The following FHIT variants were observed in gnomAD, a reference collection of about 807,000 sequenced individuals.
The protein encoded by FHIT is bis(5'-adenosyl)-triphosphatase.
FHIT carries 19 observed loss-of-function variants against 17.9 expected under a neutral mutation model. That is an observed-to-expected ratio of 1.06 (90% confidence interval 0.74 to 1.56). FHIT has a LOEUF of 1.56. FHIT is among the 40% of genes most tolerant of loss of function. FHIT has a pLI of 0.00. For synonymous variants in FHIT, 81 were observed against 69.7 expected, an observed-to-expected ratio of 1.16 and a Z score of -0.81; for missense variants, 248 against 189.2, an observed-to-expected ratio of 1.31 and a Z score of -1.82.
intron 4 of FHIT, among the ~76,000 whole-genome samples, chr3:60,574,601 G>T (rs543264132): frequency 6.6e-6 from 1 of 152,114 alleles, no homozygotes; most frequent in South Asian, 2.1e-4. Context: ...GGGAATGGCT[G>T]CAACTTCAGG....
chr3:60,773,310 A>G (rs1484581877), intron 4 of FHIT, among the ~76,000 whole-genome samples: 1 of 152,214 alleles, frequency 6.6e-6, no homozygotes. Context: ...ATATTTATTT[A>G]TTAGTGTACC....
intron 5 of FHIT, among the ~76,000 whole-genome samples, chr3:60,156,808 T>G (rs1017479581): frequency 6.6e-6 from 1 of 152,180 alleles, no homozygotes; most frequent in African/African-American, 2.4e-5. Context: ...AATGCCAATC[T>G]ATTCCTCTTC....
At chr3:60,981,055 G>C (rs1158535370) in intron 3 of FHIT, among the ~76,000 whole-genome samples, 2 of 152,268 alleles carry the variant, frequency 1.3e-5, no homozygotes, top group South Asian at 4.1e-4. Flanking sequence ...CCTGGAGAAG[G>C]GTGTTTCCTT....
intron 5 of FHIT, among the ~76,000 whole-genome samples, chr3:60,469,650 C>T (rs2032980917): frequency 6.6e-6 from 1 of 152,048 alleles, no homozygotes; most frequent in Non-Finnish European, 1.5e-5. Context: ...CCAGGATTGG[C>T]TACAGGTGAC....
chr3:60,543,325 C>G (rs2036246349), intron 4 of FHIT, among the ~76,000 whole-genome samples: 1 of 152,136 alleles, frequency 6.6e-6, no homozygotes, highest in Non-Finnish European at 1.5e-5. Flanking sequence ...GATCCTCTTT[C>G]TGTATTTATT....
intron 8 of FHIT, among the ~76,000 whole-genome samples, chr3:59,912,041 CTG>C (rs1343714202): frequency 6.6e-6 from 1 of 152,236 alleles, no homozygotes. Flanking sequence ...CTTACTCTCT[CTG>C]TGTCCTCAGA....
chr3:60,380,381 G>A (rs953679175), intron 5 of FHIT, among the ~76,000 whole-genome samples: 1 of 152,206 alleles, frequency 6.6e-6, no homozygotes, highest in African/African-American at 2.4e-5. Context: ...AAGCTGAACA[G>A]ATGTTGGTGC....
intron 8 of FHIT, among the ~76,000 whole-genome samples, chr3:59,771,889 C>A (rs1337190263): frequency 1.3e-5 from 2 of 152,158 alleles, no homozygotes; most frequent in African/African-American, 4.8e-5. Flanking sequence ...AAAATGTGTG[C>A]ACACACATAA....
intron 5 of FHIT, among the ~76,000 whole-genome samples, chr3:60,337,569 A>T (rs138162722): frequency 3.9e-5 from 6 of 152,346 alleles, no homozygotes; most frequent in Non-Finnish European, 8.8e-5. Context: ...CTTAAGTGAC[A>T]AAACCATAAA....
At chr3:60,404,247 C>T (rs1429829748) in intron 5 of FHIT, among the ~76,000 whole-genome samples, 3 of 152,156 alleles carry the variant, frequency 2.0e-5, no homozygotes, top group Non-Finnish European at 4.4e-5. Flanking sequence ...CCTGGACACA[C>T]TCCACCAGTA....
intron 8 of FHIT, among the ~76,000 whole-genome samples, chr3:59,907,923 G>A (rs1272409839): frequency 6.6e-6 from 1 of 152,154 alleles, no homozygotes; most frequent in Non-Finnish European, 1.5e-5. Context: ...TAAGGCCATT[G>A]ATGGCCAGTT....
Position 61,207,178 on chromosome 3 carries a change from C to T in FHIT, c.-212-6513G>A, listed in dbSNP as rs542215057. 1.9e-3 allele frequency among the ~76,000 whole-genome samples: 284 copies of T among 152,284 alleles called. 1 individual carries two copies. The highest frequency in any genetic ancestry group is 6.8e-3 in the Middle Eastern group (2 of 294). ...ATCCCAGGGATGAAACCCACTTGAT[C>T]ATGGTGGATAAGCTTTTTGATGTGC... On this transcript the variant is annotated intron_variant, in intron 1 of 9. Coordinates refer to ENST00000492590, the MANE Select transcript of FHIT (RefSeq NM_002012.4).
At chr3:61,007,757 T>A (rs1390752717) in intron 3 of FHIT, among the ~76,000 whole-genome samples, 3 of 152,156 alleles carry the variant, frequency 2.0e-5, no homozygotes, top group Non-Finnish European at 2.9e-5. Context: ...TTTTACCAGT[T>A]TGGTGTCCCA....
chr3:60,417,108 A>C (rs1201080692), intron 5 of FHIT, among the ~76,000 whole-genome samples: 2 of 152,070 alleles, frequency 1.3e-5, no homozygotes, highest in Non-Finnish European at 2.9e-5. Flanking sequence ...AAAAAAAAAA[A>C]AAATTTGAGA....
intron 4 of FHIT, among the ~76,000 whole-genome samples, chr3:60,554,166 C>A (rs892934049): frequency 6.6e-6 from 1 of 150,898 alleles, no homozygotes; most frequent in East Asian, 2.0e-4. Flanking sequence ...CACTGAAGGA[C>A]AAAGTATGGC....
At chr3:60,912,046 C>G (rs1347199174) in intron 3 of FHIT, among the ~76,000 whole-genome samples, 1 of 91,670 alleles carries the variant, frequency 1.1e-5, no homozygotes, top group Non-Finnish European at 2.2e-5. Context: ...CTTACACACA[C>G]ACACACATAC....
intron 3 of FHIT, among the ~76,000 whole-genome samples, chr3:60,838,333 G>A (rs1374366332): frequency 1.3e-5 from 2 of 152,086 alleles, no homozygotes; most frequent in Admixed American, 6.6e-5. Context: ...TTAGCCGGGC[G>A]TGGTGGTGGG....
intron 5 of FHIT, among the ~76,000 whole-genome samples, chr3:60,364,290 C>A (rs1700022452): frequency 1.3e-5 from 2 of 152,190 alleles, no homozygotes; most frequent in South Asian, 4.1e-4. Flanking sequence ...ACTTTTTCTG[C>A]TGGAAAATTC....
intron 5 of FHIT, among the ~76,000 whole-genome samples, chr3:60,063,008 A>G (rs1702355583): frequency 6.6e-6 from 1 of 152,196 alleles, no homozygotes; most frequent in Non-Finnish European, 1.5e-5. Context: ...CCGCTTCACA[A>G]TATCTCCCAG....
Sources: allele counts gnomAD v4.1 joint callset (sites outside exome capture counted in the v4.1 genomes callset), GRCh38; gene constraint gnomAD v4.1.1; transcripts MANE v1.5; gene names NCBI Gene and HGNC (gene_info 2026-07-23, HGNC 2026-07-21).